The following MIPOL1 variants were observed in gnomAD, a reference collection of about 807,000 sequenced individuals.
MIPOL1 encodes the protein mirror-image polydactyly gene 1 protein.
A neutral mutation model predicts 60.9 loss-of-function variants in MIPOL1; 57 were observed. The observed-to-expected ratio is 0.94, with a 90% CI of 0.76 to 1.17. The LOEUF (loss-of-function observed/expected upper bound fraction) is 1.17. Among genes scored for constraint, MIPOL1 ranks in the 50% most tolerant of loss-of-function variants. The pLI is 0.00. For synonymous variants in MIPOL1, 179 were observed against 168.8 expected (o/e 1.06, Z -0.47); for missense variants, 551 against 511.6 (o/e 1.08, Z -0.74).
At chr14:37,396,700 A>G (rs1190296242) in intron 10 of MIPOL1, among the ~76,000 whole-genome samples, 1 of 151,330 alleles carries the variant, frequency 6.6e-6, no homozygotes, top group East Asian at 1.9e-4. Context: ...TCTTTGTTGG[A>G]TTGGGTTAAT....
rs754422554 is a variant in MIPOL1, at chr14:37,260,240, T to TA, written c.20-6680dup. 6.6e-3 allele frequency among the ~76,000 whole-genome samples: 798 copies of TA among 121,218 alleles called. 7 individuals are homozygous for TA. The highest frequency in any genetic ancestry group is 0.016 in the African/African-American group (523 of 33,272). 79.5% of individuals were successfully genotyped at this position (121,218 alleles called of 152,430 possible). On this transcript the variant is annotated intron_variant, in intron 3 of 12. Coordinates refer to ENST00000684589, the MANE Select transcript of MIPOL1 (RefSeq NM_001388067.1). The stretch of plus-strand genomic sequence containing the variant: ...CTGGGCAACATAGTGAGATCTCATC[T>TA]AAAAAAAAAAAAAAAAAAGGAAACC...
intron 7 of MIPOL1, among the ~76,000 whole-genome samples, chr14:37,299,115 C>A (rs181903294): frequency 3.3e-5 from 5 of 152,194 alleles, no homozygotes; most frequent in African/African-American, 1.2e-4. Context: ...TACTCTGCAG[C>A]CATAAAAAAT....
chr14:37,356,959 A>G (rs1023896516), intron 9 of MIPOL1, among the ~76,000 whole-genome samples: 2 of 152,130 alleles, frequency 1.3e-5, no homozygotes, highest in African/African-American at 4.8e-5. Flanking sequence ...TTATGATTGA[A>G]TAGTACTCCA....
chr14:37,207,855 C>T (rs139415337), intron 1 of MIPOL1, among the ~76,000 whole-genome samples: 1 of 152,166 alleles, frequency 6.6e-6, no homozygotes, highest in African/African-American at 2.4e-5. Context: ...TGAGGGCATG[C>T]TATTTTTATA....
chr14:37,243,861 A>T (rs915552995), intron 1 of MIPOL1, among the ~76,000 whole-genome samples: 1 of 152,280 alleles, frequency 6.6e-6, no homozygotes, highest in South Asian at 2.1e-4. Context: ...GAAATTTCAG[A>T]CTGGTCAAAG....
At chr14:37,439,028 A>C (rs1039575056) in intron 11 of MIPOL1, among the ~76,000 whole-genome samples, 1 of 152,244 alleles carries the variant, frequency 6.6e-6, no homozygotes, top group Non-Finnish European at 1.5e-5. Flanking sequence ...ATTTATTAAG[A>C]GCCTACTGTG....
At position 37,267,058 on chromosome 14, in the gene MIPOL1, A is replaced by T; in HGVS notation, c.140A>T (p.Asn47Ile). The change falls in exon 4 of 13, where the codon AAT becomes ATT. Residue 47 changes from asparagine to isoleucine, a missense_variant. Transcript: ENST00000684589. ...CATCGGAAATCCACTGAATTAGTTAATGAAATAACATGTGAGAACACAGAA... is the reference window on the plus strand; with the variant it reads ...CATCGGAAATCCACTGAATTAGTTATTGAAATAACATGTGAGAACACAGAA... Reference protein sequence around the residue: ...SMHRKSTELVNEITCENTEWP... With the variant: ...SMHRKSTELVIEITCENTEWP... 1 of 1,614,024 alleles carries T rather than the reference A, an allele frequency of 6.2e-7. No individual in the cohort carries two copies.
intron 7 of MIPOL1, among the ~76,000 whole-genome samples, chr14:37,292,465 CTTTTTTTTTTTTTT>C (rs34055899): frequency 6.3e-5 from 4 of 63,442 alleles, no homozygotes; most frequent in Non-Finnish European, 1.1e-4. Context: ...CCTTAATAAA[CTTTTTTTTTTTTTT>C]TTTTTTTTTT....
chr14:37,426,640 ATT>A (rs1461191391), intron 11 of MIPOL1, among the ~76,000 whole-genome samples: 2 of 143,636 alleles, frequency 1.4e-5, no homozygotes, highest in Non-Finnish European at 3.0e-5. Context: ...ATATATATAT[ATT>A]ATATATGTGT....
chr14:37,524,274 T>C (rs1480939835), intron 12 of MIPOL1, among the ~76,000 whole-genome samples: 1 of 152,036 alleles, frequency 6.6e-6, no homozygotes, highest in East Asian at 1.9e-4. Flanking sequence ...GATGAGAAAT[T>C]GTGATAACTT....
At chr14:37,462,309 ACCAAGT>A (rs1384105115) in intron 11 of MIPOL1, among the ~76,000 whole-genome samples, 1 of 152,132 alleles carries the variant, frequency 6.6e-6, no homozygotes, top group Non-Finnish European at 1.5e-5. Flanking sequence ...GATGCAGGGC[ACCAAGT>A]CCCTAGGCTG....
chr14:37,298,219 A>G (rs1004691026), intron 7 of MIPOL1, among the ~76,000 whole-genome samples: 2 of 152,236 alleles, frequency 1.3e-5, no homozygotes, highest in African/African-American at 4.8e-5. Context: ...CCTATTTAAT[A>G]AATGGTGCTG....
rs1184813129 is a variant in MIPOL1 at position 37,407,829 on chromosome 14, C to G, written c.937-15026C>G. On this transcript the variant is annotated intron_variant, in intron 10 of 12. Coordinates refer to ENST00000684589, the MANE Select transcript of MIPOL1 (RefSeq NM_001388067.1). ...CCCAGTATGCTTTATTTTTTCTTTT[C>G]TTTCTTCTTCTTCTTCTTTTTTTTT... Among the ~76,000 whole-genome samples the G allele has an allele frequency of 5.5e-5, 6 of 108,474 alleles. No individual in the cohort carries two copies. The South Asian group carries it at 1.7e-3, about 30-fold the overall frequency. 71.2% of individuals were successfully genotyped at this position (108,474 alleles called of 152,430 possible). A position where few individuals can be genotyped will look rare whatever the true frequency, so the allele number is the denominator to read the frequency against.
At chr14:37,285,295 G>T (rs752325147) in intron 6 of MIPOL1, 23 bp from the exon 7 acceptor site, 12 of 1,612,880 alleles carry the variant, frequency 7.4e-6, no homozygotes, top group Non-Finnish European at 9.3e-6. Context: ...ATGATTGATT[G>T]TGCGCTTTAT....
chr14:37,249,279 C>T (rs568105565), intron 3 of MIPOL1, among the ~76,000 whole-genome samples: 1 of 152,128 alleles, frequency 6.6e-6, no homozygotes, highest in African/African-American at 2.4e-5. Context: ...TTCCCCTTCC[C>T]CCAACAGGGC....
At chr14:37,359,375 G>A (rs1439841327) in intron 9 of MIPOL1, among the ~76,000 whole-genome samples, 1 of 152,228 alleles carries the variant, frequency 6.6e-6, no homozygotes, top group African/African-American at 2.4e-5. Context: ...TGTGAAGAAA[G>A]TCAGTGGTAG....
chr14:37,464,473 T>A (rs2094575229), intron 11 of MIPOL1, among the ~76,000 whole-genome samples: 1 of 152,068 alleles, frequency 6.6e-6, no homozygotes, highest in South Asian at 2.1e-4. Context: ...GAGAAATAAC[T>A]CAGAAACAGA....
chr14:37,459,432 C>T (rs1328222458), intron 11 of MIPOL1, among the ~76,000 whole-genome samples: 1 of 152,092 alleles, frequency 6.6e-6, no homozygotes, highest in Admixed American at 6.5e-5. Flanking sequence ...TGGATATATT[C>T]CTGGAAACAT....
At position 37,372,517 on chromosome 14, in the gene MIPOL1, G is replaced by A. The variant is rs1264158967; in HGVS notation, c.936+2893G>A. Among the ~76,000 whole-genome samples the A allele has an allele frequency of 3.3e-5, 5 of 152,002 alleles. No individual in the cohort carries two copies. The East Asian group carries it at 7.7e-4, about 24-fold the overall frequency. ...ACCTGTAATCCCAGCACTTAGGGAG[G>A]CTGAGATGGGTGGATCACTTGGGGT... On this transcript the variant is annotated intron_variant, in intron 10 of 12. Transcript: ENST00000684589.
Sources: gnomAD v4.1 joint callset for allele counts (sites outside exome capture counted in the v4.1 genomes callset) on GRCh38, gnomAD v4.1.1 for gene constraint, MANE v1.5 for transcripts, NCBI Gene and HGNC (gene_info 2026-07-23, HGNC 2026-07-21) for gene names.